The following MCPH1 variants were observed in gnomAD, a reference collection of about 807,000 sequenced individuals.
MCPH1 encodes microcephalin.
MCPH1 carries 104 observed loss-of-function variants against 84.5 expected under a neutral mutation model. The observed-to-expected ratio is 1.23, with a 90% CI of 1.05 to 1.45. The LOEUF (loss-of-function observed/expected upper bound fraction) is 1.45, where lower values mean the gene tolerates loss of function less well. Among genes scored for constraint, MCPH1 ranks in the 40% most tolerant of loss-of-function variants. The pLI, the probability that MCPH1 is intolerant of heterozygous loss-of-function variation, is 0.00. For synonymous variants in MCPH1, 514 were observed against 366.8 expected, an observed-to-expected ratio of 1.40 and a Z score of -4.58; for missense variants, 1,498 against 1,005.7, an observed-to-expected ratio of 1.49 and a Z score of -6.62.
At chr8:6,412,832 G>A (rs1321227868) in intron 2 of MCPH1, among the ~76,000 whole-genome samples, 2 of 152,192 alleles carry the variant, frequency 1.3e-5, no homozygotes, top group Non-Finnish European at 2.9e-5. Flanking sequence ...GAGAGAGAGA[G>A]AGAGTTATAA....
chr8:6,557,557 T>A (rs543543386), intron 12 of MCPH1, among the ~76,000 whole-genome samples: 2 of 152,092 alleles, frequency 1.3e-5, no homozygotes, highest in African/African-American at 4.8e-5. Flanking sequence ...AGAGAATAGG[T>A]GTTGGCTGTC....
At chr8:6,483,668 T>G (rs1033166613) in intron 11 of MCPH1, among the ~76,000 whole-genome samples, 14 of 152,308 alleles carry the variant, frequency 9.2e-5, no homozygotes, top group African/African-American at 3.4e-4. Flanking sequence ...GAGATCAGCC[T>G]GGCCAACATG....
At chr8:6,497,237 T>C (rs767410628) in intron 11 of MCPH1, among the ~76,000 whole-genome samples, 2 of 151,800 alleles carry the variant, frequency 1.3e-5, no homozygotes, top group Non-Finnish European at 2.9e-5. Flanking sequence ...TCCCAACACG[T>C]TGAGAGGCCG....
At chr8:6,504,560 C>T (rs1399727128) in intron 12 of MCPH1, among the ~76,000 whole-genome samples, 1 of 151,934 alleles carries the variant, frequency 6.6e-6, no homozygotes, top group Non-Finnish European at 1.5e-5. Context: ...TTAATAATGG[C>T]CCCAAAAGTG....
At chr8:6,504,696 G>C (rs1199830528) in intron 12 of MCPH1, among the ~76,000 whole-genome samples, 1 of 152,086 alleles carries the variant, frequency 6.6e-6, no homozygotes, top group Non-Finnish European at 1.5e-5. Context: ...AGGATGCTAA[G>C]ATCTATAGAA....
At position 6,582,393 on chromosome 8, in the gene MCPH1, G is replaced by A. The variant is rs562522783; in HGVS notation, c.2215-39061G>A. Among the ~76,000 whole-genome samples, 16 of 152,258 alleles carry A rather than the reference G, an allele frequency of 1.1e-4. No individual in the cohort carries two copies. In the South Asian group the frequency reaches 1.7e-3, roughly 16 times the overall value. On this transcript the variant is annotated intron_variant, in intron 12 of 13. Coordinates refer to ENST00000344683, the MANE Select transcript of MCPH1 (RefSeq NM_024596.5). ...CTGGAGCTTAGCAAAGTTTAGTGACGTTGCAGAGCTAGAGTTCAAACCCAA... is the reference window on the plus strand; with the variant it reads ...CTGGAGCTTAGCAAAGTTTAGTGACATTGCAGAGCTAGAGTTCAAACCCAA...
chr8:6,571,648 T>G (rs567146554), intron 12 of MCPH1, among the ~76,000 whole-genome samples: 84 of 152,130 alleles, frequency 5.5e-4, no homozygotes, highest in Non-Finnish European at 8.8e-4. Context: ...GCTATTTACA[T>G]TAAGATATAT....
chr8:6,596,901 A>T (rs1317596279), intron 12 of MCPH1, among the ~76,000 whole-genome samples: 2 of 152,212 alleles, frequency 1.3e-5, no homozygotes, highest in Non-Finnish European at 2.9e-5. Context: ...ACACAGTAAG[A>T]ATGAATGAGA....
chr8:6,581,139 A>G (rs1274685651), intron 12 of MCPH1, among the ~76,000 whole-genome samples: 1 of 152,208 alleles, frequency 6.6e-6, no homozygotes, highest in African/African-American at 2.4e-5. Flanking sequence ...GCATCCATGG[A>G]TTTTGATATC....
At chr8:6,429,163 T>C (rs941515994) in intron 3 of MCPH1, among the ~76,000 whole-genome samples, 1 of 152,212 alleles carries the variant, frequency 6.6e-6, no homozygotes, top group Non-Finnish European at 1.5e-5. Flanking sequence ...AATGTGGAAG[T>C]TGTGTGTTAG....
At chr8:6,461,673 A>G (rs1232068560) in intron 9 of MCPH1, among the ~76,000 whole-genome samples, 2 of 152,100 alleles carry the variant, frequency 1.3e-5, no homozygotes, top group Non-Finnish European at 2.9e-5. Context: ...CCAGTTAAGC[A>G]GTTTTATTAC....
Position 6,444,967 on chromosome 8 carries a change from T to C in MCPH1, c.1245T>C (p.Tyr415=). 6.2e-7 allele frequency: 1 copy of C among 1,614,196 alleles called. No homozygotes were observed. The highest frequency in any genetic ancestry group is 8.5e-7 in the Non-Finnish European group (1 of 1,180,022). ...GTGGGGAGTCTTCATATGATGACTA[T>C]TTTTCACCTGATAATCTTAAGGAAA... ...LSCGESSYDD[Y]FSPDNLKERY... The change falls in exon 8 of 14, where the codon TAT becomes TAC. Residue 415 remains tyrosine (Y), a synonymous_variant. Coordinates refer to ENST00000344683, the MANE Select transcript of MCPH1 (RefSeq NM_024596.5).
chr8:6,620,436 T>C (rs1005430110), intron 12 of MCPH1, among the ~76,000 whole-genome samples: 2 of 152,112 alleles, frequency 1.3e-5, no homozygotes, highest in Non-Finnish European at 2.9e-5. Flanking sequence ...TCTTTGCTGC[T>C]CTTCCCCCAA....
chr8:6,426,500 G>A (rs56928655), intron 3 of MCPH1, among the ~76,000 whole-genome samples: 14,519 of 152,226 alleles, frequency 0.095, 1,447 homozygotes, highest in African/African-American at 0.24. Context: ...CGATCTGTCC[G>A]TGTTGTTTGT....
At chr8:6,569,845 C>A (rs1826513209) in intron 12 of MCPH1, among the ~76,000 whole-genome samples, 1 of 152,240 alleles carries the variant, frequency 6.6e-6, no homozygotes. Context: ...GAAGCCATTT[C>A]ACTGCCAGAG....
chr8:6,591,487 C>T (rs948019566), intron 12 of MCPH1, among the ~76,000 whole-genome samples: 2 of 152,178 alleles, frequency 1.3e-5, no homozygotes, highest in Non-Finnish European at 1.5e-5. Context: ...AATGAATGGT[C>T]AGTGGAACAT....
intron 11 of MCPH1, among the ~76,000 whole-genome samples, chr8:6,498,241 G>A (rs1233039873): frequency 6.6e-6 from 1 of 152,118 alleles, no homozygotes; most frequent in African/African-American, 2.4e-5. Flanking sequence ...GAAATATGTT[G>A]GGCCAACCTT....
chr8:6,442,024 T>C (rs367920038), intron 6 of MCPH1, 43 bp from the exon 7 acceptor site: 3 of 1,373,862 alleles, frequency 2.2e-6, no homozygotes, highest in African/African-American at 1.4e-5. Context: ...TGCTAAGAAA[T>C]ACTGAAACTT....
intron 13 of MCPH1, among the ~76,000 whole-genome samples, chr8:6,627,896 T>C (rs1796863718): frequency 6.7e-6 from 1 of 149,122 alleles, no homozygotes; most frequent in African/African-American, 2.5e-5. Context: ...TGTCTAAAAA[T>C]ATATATGTGT....
Sources: gnomAD v4.1 joint callset for allele counts (sites outside exome capture counted in the v4.1 genomes callset) on GRCh38, gnomAD v4.1.1 for gene constraint, MANE v1.5 for transcripts, NCBI Gene and HGNC (gene_info 2026-07-23, HGNC 2026-07-21) for gene names.